PANK1: variants seen among roughly 807,000 people sequenced by gnomAD.
The protein encoded by PANK1 is pantothenate kinase 1, also known as pantothenic acid kinase 1.
A neutral mutation model predicts 40.1 loss-of-function variants in PANK1; 18 were observed. The observed-to-expected ratio is 0.45, with a 90% CI of 0.31 to 0.67. The LOEUF is 0.67. Among genes scored for constraint, PANK1 ranks in the 30% least tolerant of loss-of-function variants. The pLI is 0.06. For synonymous variants in PANK1, 242 were observed against 237.7 expected (o/e 1.02, Z -0.17); for missense variants, 457 against 599.6 (o/e 0.76, Z 2.48).
chr10:89,644,839 G>T lies in PANK1; in HGVS notation c.53C>A (p.Ala18Asp). 6.9e-7 allele frequency: 1 copy of T among 1,455,222 alleles called. No homozygotes were observed. The highest frequency in any genetic ancestry group is 9.0e-7 in the Non-Finnish European group (1 of 1,112,296). The allele number at this position is 1,455,222 out of a possible 1,614,324, so 90.1% of individuals were successfully genotyped here. A position where few individuals can be genotyped will look rare whatever the true frequency, so the allele number is the denominator to read the frequency against. ...QERSVPHSPG[A>D]PVGTSAAAVN... ...AGCGGCGGCGCTGGTGCCCACGGGG[G>T]CCCCTGGAGAGTGCGGGACCGAGCG... Residue 18 changes from alanine (A) to aspartate (D), a missense_variant, in exon 1 of 7, where the codon GCC becomes GAC. Coordinates refer to ENST00000307534, the MANE Select transcript of PANK1 (RefSeq NM_148977.3).
At chr10:89,623,456 C>T (rs1845563297) in intron 1 of PANK1, among the ~76,000 whole-genome samples, 1 of 151,920 alleles carries the variant, frequency 6.6e-6, no homozygotes, top group Admixed American at 6.6e-5. Context: ...GATCTTCTGA[C>T]CTCGCGATTC....
At chr10:89,595,426 G>A (rs933452486) in intron 3 of PANK1, among the ~76,000 whole-genome samples, 16 of 152,148 alleles carry the variant, frequency 1.1e-4, no homozygotes, top group African/African-American at 3.6e-4. Context: ...ACTCCAGCCT[G>A]GGCGACAGAC....
intron 3 of PANK1, among the ~76,000 whole-genome samples, chr10:89,595,816 T>TAAAAAAAAAA (rs1192374008): frequency 7.3e-5 from 3 of 40,888 alleles, no homozygotes; most frequent in African/African-American, 2.3e-4. Context: ...GACTCCATCT[T>TAAAAAAAAAA]AAAAAAAAAA....
chr10:89,643,108 C>T (rs184265774), intron 1 of PANK1, among the ~76,000 whole-genome samples: 71 of 152,222 alleles, frequency 4.7e-4, no homozygotes, highest in African/African-American at 1.5e-3. Context: ...GTGTTATATC[C>T]TCAATTAAAC....
chr10:89,595,355 G>T (rs1289281319), intron 3 of PANK1, among the ~76,000 whole-genome samples: 1 of 152,142 alleles, frequency 6.6e-6, no homozygotes, highest in Non-Finnish European at 1.5e-5. Flanking sequence ...GAAAACTGAG[G>T]AAGGAGAATT....
At position 89,605,845 on chromosome 10, in the gene PANK1, A is replaced by T. The variant is rs559538881; in HGVS notation, c.645+5851T>A. 4.0e-4 allele frequency among the ~76,000 whole-genome samples: 59 copies of T among 147,410 alleles called. No individual in the cohort carries two copies. In the South Asian group the frequency reaches 0.012, roughly 30 times the overall value. ...TATGGCCTATGAAAAGTATTTCTTT[A>T]AAAAAAAAAAGTATTCCTTAAATAA... On this transcript the variant is annotated intron_variant, in intron 2 of 6. Transcript: ENST00000307534.
intron 1 of PANK1, among the ~76,000 whole-genome samples, chr10:89,618,981 C>T (rs1411579718): frequency 6.6e-6 from 1 of 152,176 alleles, no homozygotes; most frequent in African/African-American, 2.4e-5. Context: ...GACTAATATA[C>T]CCCTAAATCA....
intron 5 of PANK1, among the ~76,000 whole-genome samples, chr10:89,592,514 G>C (rs1448643774): frequency 1.3e-5 from 2 of 152,184 alleles, no homozygotes; most frequent in Non-Finnish European, 2.9e-5. Context: ...ATCTACTGTG[G>C]TTCTTTAATA....
intron 1 of PANK1, among the ~76,000 whole-genome samples, chr10:89,623,525 AT>A (rs34318773): frequency 6.6e-4 from 98 of 147,496 alleles, no homozygotes; most frequent in African/African-American, 7.9e-4. Flanking sequence ...GCCTGGCCCA[AT>A]TTTTTTTTTT....
intron 1 of PANK1, among the ~76,000 whole-genome samples, chr10:89,636,112 TG>T (rs1415560832): frequency 6.6e-6 from 1 of 152,068 alleles, no homozygotes; most frequent in African/African-American, 2.4e-5. Flanking sequence ...AGTTCTGGGG[TG>T]TTGGTGTGAG....
chr10:89,607,564 C>G (rs532289426), intron 2 of PANK1, among the ~76,000 whole-genome samples: 1 of 152,234 alleles, frequency 6.6e-6, no homozygotes, highest in South Asian at 2.1e-4. Context: ...TAACACAAAC[C>G]TTCAATCTGT....
intron 2 of PANK1, among the ~76,000 whole-genome samples, chr10:89,609,637 T>C (rs139436661): frequency 3.2e-4 from 48 of 152,348 alleles, no homozygotes; most frequent in African/African-American, 1.1e-3. Flanking sequence ...TCAGCCTGGA[T>C]ACAGAAGGCA....
At chr10:89,627,914 T>C (rs146154744) in intron 1 of PANK1, among the ~76,000 whole-genome samples, 21 of 152,210 alleles carry the variant, frequency 1.4e-4, no homozygotes, top group African/African-American at 4.8e-4. Flanking sequence ...CTCTGGCCCA[T>C]AACAGGCAAA....
intron 5 of PANK1, among the ~76,000 whole-genome samples, chr10:89,590,226 A>G (rs1844337535): frequency 6.6e-6 from 1 of 152,160 alleles, no homozygotes; most frequent in Non-Finnish European, 1.5e-5. Context: ...GAAGCAATAA[A>G]TGGAAAATAT....
At chr10:89,633,184 G>A (rs1025684570) in intron 1 of PANK1, among the ~76,000 whole-genome samples, 1 of 152,006 alleles carries the variant, frequency 6.6e-6, no homozygotes, top group African/African-American at 2.4e-5. Flanking sequence ...TCAGCATAAG[G>A]ATACTGAAAT....
intron 5 of PANK1, among the ~76,000 whole-genome samples, chr10:89,590,035 G>GAAAA (rs11389233): frequency 3.0e-5 from 3 of 100,410 alleles, no homozygotes; most frequent in African/African-American, 3.6e-5. Context: ...TGTTAAAAAA[G>GAAAA]AAAAAAAAAA....
Position 89,599,334 on chromosome 10 carries a change from T to C in PANK1, c.817A>G (p.Met273Val). 6 of 1,613,372 alleles carry C rather than the reference T, an allele frequency of 3.7e-6. No homozygotes were observed. Among genetic ancestry groups the C allele is most frequent in the Non-Finnish European group, 5.1e-6 (6 of 1,179,378 alleles). Residue 273 changes from methionine to valine, a missense_variant, in exon 3 of 7, where the codon ATG becomes GTG. Physicochemically the swap from Met to Val is conservative, Grantham distance 21 (BLOSUM62 1). Coordinates refer to ENST00000307534, the MANE Select transcript of PANK1 (RefSeq NM_148977.3). The part of the protein sequence containing the change: ...KPYCLDNPYP[M>V]LLVNMGSGVS... Reference sequence around the variant, plus strand: ...CCTGAGCCCATGTTAACCAGCAACATAGGGTATGGGTTATCAAGGCAGTAC... The same window carrying C: ...CCTGAGCCCATGTTAACCAGCAACACAGGGTATGGGTTATCAAGGCAGTAC...
At chr10:89,617,670 A>G (rs541395305) in intron 1 of PANK1, among the ~76,000 whole-genome samples, 1 of 152,370 alleles carries the variant, frequency 6.6e-6, no homozygotes, top group East Asian at 1.9e-4. Context: ...AAATCTTTCA[A>G]TTAGAATAGC....
In PANK1 at chr10:89,612,056, A is replaced by T; in HGVS notation, c.293-8T>A. The T allele has an allele frequency of 6.2e-7, 1 of 1,607,030 alleles. No individual in the cohort carries two copies. On this transcript the variant is annotated splice_region_variant and splice_polypyrimidine_tract_variant and intron_variant, in intron 1 of 6. Transcript: ENST00000307534. The stretch of plus-strand genomic sequence containing the variant: ...TGCCAAACCATGGGAATGCTAAAGG[A>T]CAGAAAGAAAGAGTGCTGCTGAATG...
Sources: gnomAD v4.1 joint callset for allele counts (sites outside exome capture counted in the v4.1 genomes callset) on GRCh38, gnomAD v4.1.1 for gene constraint, MANE v1.5 for transcripts, NCBI Gene and HGNC (gene_info 2026-07-23, HGNC 2026-07-21) for gene names.